The following PSD3 variants were observed in gnomAD, a reference collection of about 807,000 sequenced individuals.
PSD3 encodes PH and SEC7 domain-containing protein 3.
A neutral mutation model predicts 105.5 loss-of-function variants in PSD3; 49 were observed. That is an observed-to-expected ratio of 0.46 (90% CI 0.37 to 0.59). PSD3 has a LOEUF of 0.59. PSD3 is among the 20% of genes least tolerant of loss of function. PSD3 has a pLI of 0.00. For synonymous variants in PSD3, 557 were observed against 457.8 expected (o/e 1.22, Z -2.77); for missense variants, 1,561 against 1,263.8 (o/e 1.24, Z -3.57).
chr8:18,606,867 C>G (rs1293501333), intron 11 of PSD3, among the ~76,000 whole-genome samples: 1 of 152,156 alleles, frequency 6.6e-6, no homozygotes, highest in Non-Finnish European at 1.5e-5. Context: ...TCTATGTGTT[C>G]CAAACAATCT....
intron 15 of PSD3, among the ~76,000 whole-genome samples, chr8:18,540,606 C>A (rs1214165949): frequency 6.6e-6 from 1 of 152,106 alleles, no homozygotes; most frequent in Non-Finnish European, 1.5e-5. Context: ...TTTCTCAGTA[C>A]CTCTCCCATT....
intron 2 of PSD3, among the ~76,000 whole-genome samples, chr8:18,904,654 T>A (rs1223722409): frequency 6.6e-6 from 1 of 152,208 alleles, no homozygotes; most frequent in African/African-American, 2.4e-5. Context: ...TTTAAGTACA[T>A]CTTCTGTAAT....
intron 2 of PSD3, among the ~76,000 whole-genome samples, chr8:18,880,939 C>T (rs748991789): frequency 6.6e-5 from 10 of 152,068 alleles, no homozygotes; most frequent in African/African-American, 9.7e-5. Flanking sequence ...TGTATTTTTC[C>T]CCTTAAAGAA....
intron 9 of PSD3, among the ~76,000 whole-genome samples, chr8:18,724,728 T>C (rs997312951): frequency 1.3e-5 from 2 of 152,108 alleles, no homozygotes; most frequent in South Asian, 4.1e-4. Context: ...TTGAGAAAGA[T>C]ACATGGGCTT....
At chr8:19,048,969 C>G (rs574661193) in intron 1 of PSD3, among the ~76,000 whole-genome samples, 2 of 152,324 alleles carry the variant, frequency 1.3e-5, no homozygotes, top group Non-Finnish European at 2.9e-5. Context: ...GCTCTATCCT[C>G]ACAGGGTCAC....
In PSD3 at chr8:18,804,898, G is replaced by A. The variant is rs1025200894; in HGVS notation, c.1635C>T (p.Ser545=). The A allele has an allele frequency of 1.3e-6, 2 of 1,586,624 alleles. No homozygotes were observed. Among genetic ancestry groups the A allele is most frequent in the East Asian group, 2.2e-5 (1 of 44,732 alleles). Residue 545 remains serine, a splice_region_variant and synonymous_variant, in exon 5 of 16, where the codon AGC becomes AGT. Transcript: ENST00000327040. ...KGTPEIAFWG[S]NAGVKTTRLE... ...GCCGTGTTGTTTTCACCCCAGCATT[G>A]CTATGATAATTGATAAAGAGAGAAA...
At chr8:19,071,138 C>T (rs1303393367) in intron 1 of PSD3, among the ~76,000 whole-genome samples, 1 of 151,964 alleles carries the variant, frequency 6.6e-6, no homozygotes, top group African/African-American at 2.4e-5. Flanking sequence ...CGGCTCACTG[C>T]AACCTCCGCC....
At chr8:18,890,070 T>G (rs1448664086) in intron 2 of PSD3, among the ~76,000 whole-genome samples, 1 of 152,210 alleles carries the variant, frequency 6.6e-6, no homozygotes, top group African/African-American at 2.4e-5. Context: ...AAATCAAGAC[T>G]GACTGCATGA....
At chr8:18,946,709 G>A (rs1326698356) in intron 1 of PSD3, among the ~76,000 whole-genome samples, 3 of 151,930 alleles carry the variant, frequency 2.0e-5, no homozygotes, top group South Asian at 2.1e-4. Context: ...AGACAAGCCT[G>A]ACCAATATGG....
At chr8:18,603,509 C>T (rs1300241079) in intron 11 of PSD3, among the ~76,000 whole-genome samples, 1 of 152,060 alleles carries the variant, frequency 6.6e-6, no homozygotes, top group East Asian at 1.9e-4. Context: ...AATAAATGTC[C>T]TTATTTCATT....
chr8:18,786,668 A>G (rs1473368517), intron 8 of PSD3: 1 of 152,242 alleles, frequency 6.6e-6, no homozygotes, highest in African/African-American at 2.4e-5. Flanking sequence ...GTAAGCAAGT[A>G]TTAGTACAAT....
chr8:18,964,605 A>T (rs1291098655), intron 1 of PSD3, among the ~76,000 whole-genome samples: 1 of 152,090 alleles, frequency 6.6e-6, no homozygotes, highest in Admixed American at 6.6e-5. Context: ...ATGAACAACC[A>T]GCTACTCTTG....
upstream of PSD3, among the ~76,000 whole-genome samples, chr8:19,016,251 G>A (rs1424651029): frequency 6.6e-6 from 1 of 152,146 alleles, no homozygotes; most frequent in African/African-American, 2.4e-5. Context: ...ACCTAGGCAT[G>A]GGCTAGTGTA....
At chr8:18,841,280 A>C (rs1304871009) in intron 4 of PSD3, among the ~76,000 whole-genome samples, 2 of 152,130 alleles carry the variant, frequency 1.3e-5, no homozygotes, top group African/African-American at 2.4e-5. Context: ...GTGGAAAAAA[A>C]GTCTGTTGTG....
intron 1 of PSD3, among the ~76,000 whole-genome samples, chr8:19,045,710 G>T (rs1828294597): frequency 1.3e-5 from 2 of 152,192 alleles, no homozygotes; most frequent in Non-Finnish European, 2.9e-5. Context: ...GGAAGGAAAA[G>T]AATCCAGCCA....
chr8:18,603,998 G>A (rs1804628799), intron 11 of PSD3, among the ~76,000 whole-genome samples: 1 of 152,174 alleles, frequency 6.6e-6, no homozygotes, highest in African/African-American at 2.4e-5. Flanking sequence ...ATAGCAGTAT[G>A]AAAATGGACC....
intron 1 of PSD3, among the ~76,000 whole-genome samples, chr8:19,002,377 G>A (rs1826448425): frequency 6.6e-6 from 1 of 151,834 alleles, no homozygotes; most frequent in African/African-American, 2.4e-5. Flanking sequence ...ATAAACACAT[G>A]GTTCTTACCG....
At chr8:18,936,358 T>C (rs1485413026) in intron 1 of PSD3, among the ~76,000 whole-genome samples, 1 of 152,146 alleles carries the variant, frequency 6.6e-6, no homozygotes, top group African/African-American at 2.4e-5. Context: ...AATGTATACA[T>C]ATAAACATCT....
intron 15 of PSD3, among the ~76,000 whole-genome samples, chr8:18,539,969 C>T (rs558301182): frequency 2.0e-5 from 3 of 152,256 alleles, no homozygotes; most frequent in East Asian, 1.9e-4. Context: ...GTGTTTCCTG[C>T]TTCCTGAACA....
Sources: allele counts gnomAD v4.1 joint callset (sites outside exome capture counted in the v4.1 genomes callset), GRCh38; gene constraint gnomAD v4.1.1; transcripts MANE v1.5; gene names NCBI Gene and HGNC (gene_info 2026-07-23, HGNC 2026-07-21).